Variants in PRKN observed in about 807,000 individuals in gnomAD.
The protein encoded by PRKN is parkin RBR E3 ubiquitin protein ligase, also known as E3 ubiquitin-protein ligase parkin.
A neutral mutation model predicts 59.5 loss-of-function variants in PRKN; 56 were observed. That is an observed-to-expected ratio of 0.94 (90% CI 0.76 to 1.18). The LOEUF (loss-of-function observed/expected upper bound fraction) is 1.18. PRKN is among the 50% of genes most tolerant of loss of function. The probability of loss-of-function intolerance (pLI) is 0.00; values close to 1 mark genes in which losing one functional copy is unlikely to be tolerated. For missense variants in PRKN, 657 were observed against 596.4 expected (o/e 1.10, Z -1.06); for synonymous variants, 250 against 222.1 (o/e 1.13, Z -1.12).
chr6:161,513,424 T>C (rs1385865824), intron 9 of PRKN, among the ~76,000 whole-genome samples: 2 of 152,026 alleles, frequency 1.3e-5, no homozygotes, highest in East Asian at 3.9e-4. Context: ...TTATTTTTAG[T>C]AGAGACGGGA....
intron 1 of PRKN, among the ~76,000 whole-genome samples, chr6:162,691,857 A>G (rs1210481645): frequency 1.3e-5 from 2 of 152,210 alleles, no homozygotes; most frequent in Non-Finnish European, 2.9e-5. Context: ...CAGCAGTAGC[A>G]GCCTGGGGTA....
chr6:162,567,114 C>T (rs1780114389), intron 1 of PRKN, among the ~76,000 whole-genome samples: 1 of 152,044 alleles, frequency 6.6e-6, no homozygotes, highest in African/African-American at 2.4e-5. Flanking sequence ...CACATCTCAA[C>T]ATATGGCTTT....
chr6:161,669,611 A>C (rs374798412), intron 7 of PRKN, among the ~76,000 whole-genome samples: 4 of 152,260 alleles, frequency 2.6e-5, no homozygotes, highest in East Asian at 1.9e-4. Flanking sequence ...TACCACACAG[A>C]GAGACAGGTT....
At chr6:162,691,620 C>T (rs1777778414) in intron 1 of PRKN, among the ~76,000 whole-genome samples, 1 of 152,150 alleles carries the variant, frequency 6.6e-6, no homozygotes, top group Non-Finnish European at 1.5e-5. Context: ...TTATGAAAGG[C>T]TCTGAGAATT....
rs1025317025 is a variant in PRKN, at chr6:161,904,309, G to GTTT, written c.734+68990_734+68992dup. On this transcript the variant is annotated intron_variant, in intron 6 of 11. Transcript: ENST00000366898. ...GTTGGCTTGTTTTCGAATTTGTGGG[G>GTTT]TTTTTTTTTTTTTTTTTTTTTTTTG... 4.3e-3 allele frequency among the ~76,000 whole-genome samples: 312 copies of GTTT among 72,564 alleles called. 8 individuals carry two copies. The highest frequency in any genetic ancestry group is 0.014 in the African/African-American group (212 of 15,218). The allele number at this position is 72,564 out of a possible 152,430, so 47.6% of individuals were successfully genotyped here.
Position 161,579,513 on chromosome 6 carries a change from C to T in PRKN, c.872-10097G>A, listed in dbSNP as rs1357685182. ...TAATTTATATTTGTACCCTATACTT[C>T]GCCATAGAGTGTGCTCTGTAAACTG... is the stretch of plus-strand genomic sequence containing the variant. On this transcript the variant is annotated intron_variant, in intron 7 of 11. Coordinates refer to ENST00000366898, the MANE Select transcript of PRKN (RefSeq NM_004562.3). The surrounding 1 kb of genome is among the most constrained non-coding windows in gnomAD (Gnocchi z 4.2). Among the ~76,000 whole-genome samples, 11 of 152,290 alleles carry T rather than the reference C, an allele frequency of 7.2e-5. No individual in the cohort carries two copies. In the South Asian group the frequency reaches 1.7e-3, roughly 23 times the overall value.
chr6:161,811,950 TA>T (rs1157885135), intron 6 of PRKN, among the ~76,000 whole-genome samples: 16 of 149,892 alleles, frequency 1.1e-4, no homozygotes, highest in Admixed American at 9.3e-4. Context: ...AAATAAAAAT[TA>T]AAAAAAAATC....
At chr6:161,730,793 GTGTTGCATTCTTTCAGATA>G (rs1787672660) in intron 7 of PRKN, among the ~76,000 whole-genome samples, 1 of 151,226 alleles carries the variant, frequency 6.6e-6, no homozygotes, top group South Asian at 2.1e-4. Flanking sequence ...GCATTCTGAA[GTGTTGCATTCTTTCAGATA>G]TGTTGCATTC....
intron 1 of PRKN, among the ~76,000 whole-genome samples, chr6:162,610,075 T>TACA (rs141911059): frequency 0.018 from 2,764 of 152,320 alleles, 32 homozygotes; most frequent in Admixed American, 0.037. Context: ...AGAACGCTCT[T>TACA]ACAACAACAA....
chr6:162,299,988 C>T (rs1488293936), intron 2 of PRKN, among the ~76,000 whole-genome samples: 1 of 152,104 alleles, frequency 6.6e-6, no homozygotes, highest in African/African-American at 2.4e-5. Context: ...CTGAGTTACA[C>T]TCATGTTTGC....
intron 2 of PRKN, among the ~76,000 whole-genome samples, chr6:162,274,766 T>A (rs7766403): frequency 0.55 from 84,231 of 151,980 alleles, 26,622 homozygotes; most frequent in East Asian, 0.85. Flanking sequence ...ACAAGTTTCT[T>A]CATTGTCCTT....
chr6:162,456,331 T>C (rs1790870613), intron 1 of PRKN, among the ~76,000 whole-genome samples: 2 of 152,154 alleles, frequency 1.3e-5, no homozygotes, highest in Admixed American at 6.5e-5. Context: ...TTCTAATATT[T>C]TTATGCTTAG....
intron 4 of PRKN, among the ~76,000 whole-genome samples, chr6:162,080,767 G>A (rs763538183): frequency 5.3e-5 from 8 of 152,020 alleles, no homozygotes; most frequent in Admixed American, 1.3e-4. Context: ...GAAGTTTGCC[G>A]CACTGATGGA....
rs59151606 is a variant in PRKN, at chr6:161,483,329, A to G, written c.1083+65525T>C. ...CTCCAAAGCACTGGTTAATAGTTATAAAAATGTTTCACAGTGCTCCATGTC... is the reference window on the plus strand; with the variant it reads ...CTCCAAAGCACTGGTTAATAGTTATGAAAATGTTTCACAGTGCTCCATGTC... On this transcript the variant is annotated intron_variant, in intron 9 of 11. Transcript: ENST00000366898. The surrounding 1 kb of genome is among the most constrained non-coding windows in gnomAD (Gnocchi z 5.0). Among the ~76,000 whole-genome samples, 1,518 of 152,298 alleles carry G rather than the reference A, an allele frequency of 1.0e-2. 19 individuals are homozygous for G. The highest frequency in any genetic ancestry group is 0.025 in the East Asian group (132 of 5,180).
chr6:162,670,133 G>A (rs1306790602), intron 1 of PRKN, among the ~76,000 whole-genome samples: 1 of 152,102 alleles, frequency 6.6e-6, no homozygotes, highest in Admixed American at 6.5e-5. Context: ...ATGTATGCAA[G>A]TACACACTCA....
At chr6:161,860,819 G>A (rs1265413773) in intron 6 of PRKN, among the ~76,000 whole-genome samples, 5 of 152,054 alleles carry the variant, frequency 3.3e-5, no homozygotes, top group Non-Finnish European at 5.9e-5. Context: ...ACCAACAAAC[G>A]TATAAACAAA....
intron 10 of PRKN, among the ~76,000 whole-genome samples, chr6:161,364,319 C>A (rs566842034): frequency 1.3e-5 from 2 of 150,642 alleles, no homozygotes; most frequent in Non-Finnish European, 3.0e-5. Flanking sequence ...ATTAGCTGGG[C>A]GCGGTGGTGG....
chr6:162,448,345 C>T (rs574663108), intron 1 of PRKN, among the ~76,000 whole-genome samples: 1 of 152,064 alleles, frequency 6.6e-6, no homozygotes, highest in African/African-American at 2.4e-5. Flanking sequence ...ATTACTACCC[C>T]ATTTTTCTAT....
intron 2 of PRKN, among the ~76,000 whole-genome samples, chr6:162,320,793 G>A (rs1782988680): frequency 6.6e-6 from 1 of 151,640 alleles, no homozygotes; most frequent in Non-Finnish European, 1.5e-5. Flanking sequence ...TTCTAAACAA[G>A]CCTTGGGTAA....
Sources: gnomAD v4.1 joint callset for allele counts (sites outside exome capture counted in the v4.1 genomes callset) on GRCh38, gnomAD v4.1.1 for gene constraint, Gnocchi (gnomAD v3.1) non-coding constraint, MANE v1.5 for transcripts, NCBI Gene and HGNC (gene_info 2026-07-23, HGNC 2026-07-21) for gene names.